The following TRMT44 variants were observed in gnomAD, a reference collection of about 807,000 sequenced individuals.
TRMT44 encodes the protein tRNA methyltransferase 44 homolog.
A neutral mutation model predicts 77.3 loss-of-function variants in TRMT44; 78 were observed. The ratio of observed to expected loss-of-function variants is 1.01; its 90% confidence interval spans 0.84 to 1.22. The LOEUF is 1.22. Ranked by LOEUF, TRMT44 falls within the 50% of genes most tolerant of loss-of-function variation. The probability of loss-of-function intolerance (pLI) is 0.00; values close to 1 mark genes in which losing one functional copy is unlikely to be tolerated. For synonymous variants in TRMT44, 391 were observed against 383.3 expected, an observed-to-expected ratio of 1.02 and a Z score of -0.23; for missense variants, 1,090 against 964.4, an observed-to-expected ratio of 1.13 and a Z score of -1.73.
At position 8,452,750 on chromosome 4, in the gene TRMT44, A is replaced by T. The variant is rs1225526873; in HGVS notation, c.1024-132A>T. On this transcript the variant is annotated intron_variant, in intron 4 of 10. Coordinates refer to ENST00000389737, the MANE Select transcript of TRMT44 (RefSeq NM_152544.3). This position sits in a 1 kb window ranked among gnomAD's most constrained non-coding sequence, Gnocchi z 5.7. Reference sequence around the variant, plus strand: ...ACTCCATCTCAAAAAAAGAAAAAAAAAAAAGAATGTTTAGTGTAGATGATT... The same window carrying T: ...ACTCCATCTCAAAAAAAGAAAAAAATAAAAGAATGTTTAGTGTAGATGATT... The T allele has an allele frequency of 1.9e-6, 1 of 534,314 alleles. No homozygotes were observed. The highest frequency in any genetic ancestry group is 3.2e-6 in the Non-Finnish European group (1 of 311,448). 33.1% of individuals were successfully genotyped at this position (534,314 alleles called of 1,614,324 possible). A position where few individuals can be genotyped will look rare whatever the true frequency, so the allele number is the denominator to read the frequency against.
At chr4:8,479,779 CTA>C (rs534801453), downstream of TRMT44, among the ~76,000 whole-genome samples, 1 of 152,310 alleles carries the variant, frequency 6.6e-6, no homozygotes, top group South Asian at 2.1e-4. Flanking sequence ...GAGCTTTTTT[CTA>C]ACTTGTTAAT....
At chr4:8,498,623 C>T in the TRMT44 span, among the ~76,000 whole-genome samples, 19 of 152,298 alleles carry the variant, frequency 1.2e-4, no homozygotes, top group African/African-American at 2.2e-4. This position sits in a 1 kb window ranked among gnomAD's most constrained non-coding sequence, Gnocchi z 4.3. Flanking sequence ...TGATAAAATG[C>T]GGTGTCTCCC....
chr4:8,476,398 A>T lies in TRMT44; in HGVS notation c.*397A>T, dbSNP rs1727391370. 1 of 208,026 alleles carries T rather than the reference A, an allele frequency of 4.8e-6. No homozygotes were observed. The allele number at this position is 208,026 out of a possible 1,614,324, so 12.9% of individuals were successfully genotyped here. The stretch of plus-strand genomic sequence containing the variant: ...TGTGAAGAGGATGGGGCTCCTCGAG[A>T]AGTAAGACCGTATCTGCCAGCGTTT... On this transcript the variant is annotated 3_prime_UTR_variant, in exon 11 of 11. Transcript: ENST00000389737.
chr4:8,500,461 A>G, the TRMT44 span, among the ~76,000 whole-genome samples: 1 of 151,524 alleles, frequency 6.6e-6, no homozygotes, highest in African/African-American at 2.4e-5. Flanking sequence ...ATGCCACTGC[A>G]CTCCAGCCTG....
intron 1 of TRMT44, among the ~76,000 whole-genome samples, chr4:8,443,562 A>G (rs1724882278): frequency 6.6e-6 from 1 of 152,196 alleles, no homozygotes; most frequent in South Asian, 2.1e-4. Flanking sequence ...ATAATAAAAT[A>G]TCTTGGAGTT....
the TRMT44 span, among the ~76,000 whole-genome samples, chr4:8,514,670 C>T: frequency 1.3e-5 from 2 of 152,206 alleles, no homozygotes; most frequent in South Asian, 2.1e-4. Flanking sequence ...TAGCAGGGGA[C>T]CTCAGAGTGA....
rs1724639684 is a variant in TRMT44 at position 8,441,057 on chromosome 4, C to A, written c.235C>A (p.Pro79Thr). 10 of 1,486,588 alleles carry A rather than the reference C, an allele frequency of 6.7e-6. No individual in the cohort carries two copies. The South Asian group carries it at 1.3e-4, about 20-fold the overall frequency. The allele number at this position is 1,486,588 out of a possible 1,614,324, so 92.1% of individuals were successfully genotyped here. The change falls in exon 1 of 11, where the codon CCC becomes ACC. Residue 79 changes from proline (P) to threonine (T), a missense_variant. Coordinates refer to ENST00000389737, the MANE Select transcript of TRMT44 (RefSeq NM_152544.3). ...GGGTCCGGGACCCGGCCAGGGTTCC[C>A]CCGGAGGGGGCCCGGGTCCCAGGTC... The part of the protein sequence containing the change: ...ERGPGPGQGS[P>T]GGGPGPRSLS...
chr4:8,489,694 T>C (rs902713234), intron 2 of TRMT44, among the ~76,000 whole-genome samples: 1 of 152,166 alleles, frequency 6.6e-6, no homozygotes, highest in African/African-American at 2.4e-5. Context: ...GCCAGGCTGG[T>C]CTCAAACTCC....
rs761177528 is a variant in TRMT44 at position 8,476,044 on chromosome 4, C to A, written c.*43C>A. 1.8e-5 allele frequency: 29 copies of A among 1,580,024 alleles called. No homozygotes were observed. On this transcript the variant is annotated 3_prime_UTR_variant, in exon 11 of 11. Coordinates refer to ENST00000389737, the MANE Select transcript of TRMT44 (RefSeq NM_152544.3). ...CGAGGCCTGGTTGGGGAGGCCAAAC[C>A]AAGGAGAGCTTCCCCAGCAGTCGTC...
chr4:8,481,576 C>A (rs1727614601), intron 2 of TRMT44, among the ~76,000 whole-genome samples: 1 of 152,228 alleles, frequency 6.6e-6, no homozygotes, highest in African/African-American at 2.4e-5. Flanking sequence ...GCCTACCAAC[C>A]TACTATGTCA....
At chr4:8,496,362 C>T (rs537959121), downstream of TRMT44, among the ~76,000 whole-genome samples, 5 of 152,238 alleles carry the variant, frequency 3.3e-5, no homozygotes, top group African/African-American at 9.6e-5. Context: ...CTCTGACTTT[C>T]TTGTTCTTAT....
At position 8,476,231 on chromosome 4, in the gene TRMT44, G is replaced by A. The variant is rs767858154; in HGVS notation, c.*230G>A. 20 of 583,162 alleles carry A rather than the reference G, an allele frequency of 3.4e-5. No homozygotes were observed. The highest frequency in any genetic ancestry group is 4.6e-5 in the Non-Finnish European group (15 of 327,462). 36.1% of individuals were successfully genotyped at this position (583,162 alleles called of 1,614,324 possible). A position where few individuals can be genotyped will look rare whatever the true frequency, so the allele number is the denominator to read the frequency against. ...TGCCTGGCTTGTTTCAGATGCAGCCGCTTGAAACGTGCGCAGCATCTTCAT... is the reference window on the plus strand; with the variant it reads ...TGCCTGGCTTGTTTCAGATGCAGCCACTTGAAACGTGCGCAGCATCTTCAT... On this transcript the variant is annotated 3_prime_UTR_variant, in exon 11 of 11. Coordinates refer to ENST00000389737, the MANE Select transcript of TRMT44 (RefSeq NM_152544.3).
At position 8,475,473 on chromosome 4, in the gene TRMT44, T is replaced by C. The variant is rs1328479801; in HGVS notation, c.2045-299T>C. ...TGGCCAGTCCTGGTGCAGTCTGTCC[T>C]GGGACACTCGGGTTTGCTGCTGCTT... On this transcript the variant is annotated intron_variant, in intron 10 of 10. Transcript: ENST00000389737. Among the ~76,000 whole-genome samples, 10 of 152,314 alleles carry C rather than the reference T, an allele frequency of 6.6e-5. No homozygotes were observed. In the East Asian group the frequency reaches 1.5e-3, roughly 24 times the overall value.
In TRMT44 at chr4:8,444,913, C is replaced by T. The variant is rs995290945; in HGVS notation, c.620-1563C>T. Among the ~76,000 whole-genome samples, 1 of 152,290 alleles carries T rather than the reference C, an allele frequency of 6.6e-6. No homozygotes were observed. The highest frequency in any genetic ancestry group is 6.5e-5 in the Admixed American group (1 of 15,308). On this transcript the variant is annotated intron_variant, in intron 1 of 10. Transcript: ENST00000389737. The surrounding 1 kb of genome is among the most constrained non-coding windows in gnomAD (Gnocchi z 4.0). ...AAAAATTTTAAAAATCGAAATTTAT[C>T]ATTGTGTAGCGACAACAGTGACAGC...
At position 8,465,411 on chromosome 4, in the gene TRMT44, C is replaced by T. The variant is rs747388586; in HGVS notation, c.1344C>T (p.Pro448=). 13 of 1,613,696 alleles carry T rather than the reference C, an allele frequency of 8.1e-6. No individual in the cohort carries two copies. Among genetic ancestry groups the T allele is most frequent in the South Asian group, 2.2e-5 (2 of 91,038 alleles). The change falls in exon 8 of 11, where the codon CCC becomes CCT. Residue 448 remains proline (P), a synonymous_variant. Coordinates refer to ENST00000389737, the MANE Select transcript of TRMT44 (RefSeq NM_152544.3). The stretch of plus-strand genomic sequence containing the variant: ...ACAATTGCCGCTTCTTTGTCCTCCC[C>T]TGCTGCTTCTTTGACTTCATTGGAA... ...SSYNCRFFVL[P]CCFFDFIGRY... is the part of the protein sequence containing the mutation.
chr4:8,464,285 C>T (rs889963715), intron 7 of TRMT44, among the ~76,000 whole-genome samples, 194 bp downstream of exon 7: 5 of 152,160 alleles, frequency 3.3e-5, no homozygotes, highest in African/African-American at 1.2e-4. Context: ...TTTTATTTTA[C>T]CTTTTAAAAT....
At chr4:8,443,547 G>A (rs1245719831) in intron 1 of TRMT44, among the ~76,000 whole-genome samples, 1 of 152,180 alleles carries the variant, frequency 6.6e-6, no homozygotes, top group Non-Finnish European at 1.5e-5. Context: ...TTGTAAAATA[G>A]GATAATAATA....
chr4:8,460,531 C>T (rs1726077589), intron 6 of TRMT44, among the ~76,000 whole-genome samples: 1 of 151,382 alleles, frequency 6.6e-6, no homozygotes, highest in South Asian at 2.1e-4. Context: ...GAAAAATATT[C>T]CAAAACTATT....
At chr4:8,494,976 C>T (rs193250509), downstream of TRMT44, among the ~76,000 whole-genome samples, 2 of 152,210 alleles carry the variant, frequency 1.3e-5, no homozygotes, top group Non-Finnish European at 2.9e-5. Context: ...GCATGGTAAG[C>T]ATTAAACACG....
Sources: allele counts gnomAD v4.1 joint callset (sites outside exome capture counted in the v4.1 genomes callset), GRCh38; gene constraint gnomAD v4.1.1; non-coding constraint Gnocchi (gnomAD v3.1); transcripts MANE v1.5; gene names NCBI Gene and HGNC (gene_info 2026-07-23, HGNC 2026-07-21).